ZNF385D: variants seen among roughly 807,000 people sequenced by gnomAD.
ZNF385D encodes the protein zinc finger protein 385D.
A neutral mutation model predicts 35.8 loss-of-function variants in ZNF385D; 15 were observed. The observed-to-expected ratio is 0.42, with a 90% CI of 0.28 to 0.64. ZNF385D has a LOEUF of 0.64. Ranked by LOEUF, ZNF385D falls within the 30% of genes least tolerant of loss-of-function variation. The probability of loss-of-function intolerance (pLI) is 0.23; values close to 1 mark genes in which losing one functional copy is unlikely to be tolerated. For missense variants in ZNF385D, 474 were observed against 494.6 expected, an observed-to-expected ratio of 0.96 and a Z score of 0.39; for synonymous variants, 212 against 186.8, an observed-to-expected ratio of 1.13 and a Z score of -1.10.
rs77628802 is a variant in ZNF385D, at chr3:22,142,435, G to A, written c.325+26382C>T. On this transcript the variant is annotated intron_variant, in intron 3 of 5. Coordinates refer to the ZNF385D transcript ENST00000494108. ...TGACGTATAATAAAAGTCCAATGTAGAGAACGAATCAAACCAGATGGTTTA... is the reference window on the plus strand; with the variant it reads ...TGACGTATAATAAAAGTCCAATGTAAAGAACGAATCAAACCAGATGGTTTA... 3.6e-3 allele frequency among the ~76,000 whole-genome samples: 548 copies of A among 152,286 alleles called. 11 individuals carry two copies. The highest frequency in any genetic ancestry group is 0.013 in the African/African-American group (531 of 41,564).
chr3:21,993,642 C>CT (rs1345352608), intron 3 of ZNF385D, among the ~76,000 whole-genome samples: 1 of 152,052 alleles, frequency 6.6e-6, no homozygotes, highest in East Asian at 1.9e-4. Context: ...AGTGGAATTA[C>CT]TTTTTTCTAA....
intron 3 of ZNF385D, among the ~76,000 whole-genome samples, chr3:22,058,996 C>T (rs549285478): frequency 1.3e-5 from 2 of 152,188 alleles, no homozygotes; most frequent in South Asian, 2.1e-4. Context: ...TTTCAATCAC[C>T]CCTAAACCTC....
At chr3:21,999,701 A>G (rs2125411864) in intron 3 of ZNF385D, among the ~76,000 whole-genome samples, 1 of 152,182 alleles carries the variant, frequency 6.6e-6, no homozygotes, top group East Asian at 1.9e-4. Context: ...GATAGCTTCA[A>G]AAATAGACTA....
At chr3:21,456,190 G>T (rs1424125263) in intron 4 of ZNF385D, among the ~76,000 whole-genome samples, 1 of 152,088 alleles carries the variant, frequency 6.6e-6, no homozygotes, top group Non-Finnish European at 1.5e-5. Context: ...ATTCCTCAAG[G>T]ATCTAGAACT....
chr3:21,672,947 A>T (rs1056997455), intron 1 of ZNF385D, among the ~76,000 whole-genome samples: 1 of 152,156 alleles, frequency 6.6e-6, no homozygotes. Flanking sequence ...AAGGAGTTTT[A>T]AATATTTAAC....
rs550977855 is a variant in ZNF385D at position 21,765,215 on chromosome 3, T to TGA, written c.326-100188_326-100187insTC. ...CATACACATAAAATCTGTGTGTGTGTGTGAGAGAGAGAGAGAGAGAGAGCA... is the reference window on the plus strand; with the variant it reads ...CATACACATAAAATCTGTGTGTGTGTGAGTGAGAGAGAGAGAGAGAGAGAGCA... On this transcript the variant is annotated intron_variant, in intron 3 of 5. Transcript: ENST00000494108. Among the ~76,000 whole-genome samples the TGA allele has an allele frequency of 2.4e-3, 360 of 150,922 alleles. 5 individuals carry two copies. The South Asian group carries it at 0.025, about 11-fold the overall frequency.
At chr3:21,760,154 C>T (rs35907034) in intron 3 of ZNF385D, among the ~76,000 whole-genome samples, 43,313 of 152,068 alleles carry the variant, frequency 0.28, 6,480 homozygotes, top group Middle Eastern at 0.43. Flanking sequence ...ATCCTAAAGG[C>T]TCATCTCTGA....
intron 2 of ZNF385D, among the ~76,000 whole-genome samples, chr3:22,229,056 T>G (rs183710503): frequency 1.3e-5 from 2 of 152,216 alleles, no homozygotes; most frequent in Non-Finnish European, 2.9e-5. Context: ...CTTTTCCTTG[T>G]GATATTGTGA....
At chr3:22,012,706 C>T (rs1254543714) in intron 3 of ZNF385D, among the ~76,000 whole-genome samples, 1 of 152,132 alleles carries the variant, frequency 6.6e-6, no homozygotes, top group African/African-American at 2.4e-5. Context: ...TCTTGGGAAA[C>T]TTCATGAGTT....
At chr3:22,287,647 A>G (rs1467270170) in intron 2 of ZNF385D, among the ~76,000 whole-genome samples, 3 of 151,974 alleles carry the variant, frequency 2.0e-5, no homozygotes, top group Non-Finnish European at 4.4e-5. Context: ...TTTTCTACCC[A>G]TAACCCCCAG....
At chr3:21,778,595 T>C (rs960629999) in intron 3 of ZNF385D, among the ~76,000 whole-genome samples, 1 of 151,858 alleles carries the variant, frequency 6.6e-6, no homozygotes, top group Non-Finnish European at 1.5e-5. Context: ...AATATACACA[T>C]ATATATATAC....
intron 3 of ZNF385D, among the ~76,000 whole-genome samples, chr3:21,821,770 G>T (rs1694247845): frequency 6.6e-6 from 1 of 151,982 alleles, no homozygotes; most frequent in Non-Finnish European, 1.5e-5. Context: ...AGACCAGACT[G>T]AGCAACACAA....
intron 3 of ZNF385D, among the ~76,000 whole-genome samples, chr3:21,831,620 T>A (rs1452327273): frequency 6.6e-6 from 1 of 152,198 alleles, no homozygotes; most frequent in Non-Finnish European, 1.5e-5. Context: ...TCACCCCTAC[T>A]ACATCCATGA....
At chr3:21,982,709 T>C (rs958576006) in intron 3 of ZNF385D, among the ~76,000 whole-genome samples, 1 of 152,190 alleles carries the variant, frequency 6.6e-6, no homozygotes, top group Admixed American at 6.6e-5. Flanking sequence ...AGTATAACAT[T>C]GACTGTGGAT....
chr3:21,637,924 A>G (rs919818223), intron 2 of ZNF385D, among the ~76,000 whole-genome samples: 16 of 152,134 alleles, frequency 1.1e-4, no homozygotes, highest in African/African-American at 3.6e-4. Flanking sequence ...GTTTAAGCTG[A>G]ATCTAAAATT....
At chr3:21,950,052 A>G (rs1179964166) in intron 3 of ZNF385D, among the ~76,000 whole-genome samples, 2 of 152,164 alleles carry the variant, frequency 1.3e-5, no homozygotes, top group African/African-American at 4.8e-5. Flanking sequence ...AATGATTTAT[A>G]ATCCTTTGGG....
chr3:22,089,107 G>A (rs1275907846), intron 3 of ZNF385D, among the ~76,000 whole-genome samples: 1 of 152,146 alleles, frequency 6.6e-6, no homozygotes, highest in Non-Finnish European at 1.5e-5. Context: ...ACATCTAAGT[G>A]TGGCATGAGT....
intron 3 of ZNF385D, among the ~76,000 whole-genome samples, chr3:21,762,609 A>C (rs931461743): frequency 2.6e-5 from 4 of 152,086 alleles, no homozygotes; most frequent in African/African-American, 9.7e-5. Flanking sequence ...ATTGCCACTT[A>C]TCATCTCATC....
intron 2 of ZNF385D, among the ~76,000 whole-genome samples, chr3:22,182,199 C>G (rs993083629): frequency 1.3e-5 from 2 of 152,072 alleles, no homozygotes. Flanking sequence ...AACTACTATA[C>G]CAATTAACTC....
Sources: allele counts gnomAD v4.1 joint callset (sites outside exome capture counted in the v4.1 genomes callset), GRCh38; gene constraint gnomAD v4.1.1; transcripts MANE v1.5; gene names NCBI Gene and HGNC (gene_info 2026-07-23, HGNC 2026-07-21).